SAMD13: variants seen among roughly 807,000 people sequenced by gnomAD.
The protein encoded by SAMD13 is sterile alpha motif domain-containing protein 13.
SAMD13 carries 9 observed loss-of-function variants against 12.4 expected under a neutral mutation model. That is an observed-to-expected ratio of 0.72 (90% CI 0.44 to 1.26). The LOEUF (loss-of-function observed/expected upper bound fraction) is 1.26. Among genes scored for constraint, SAMD13 ranks in the 50% most tolerant of loss-of-function variants. The pLI, the probability that SAMD13 is intolerant of heterozygous loss-of-function variation, is 0.00. For missense variants in SAMD13, 84 were observed against 119.6 expected, an observed-to-expected ratio of 0.70 and a Z score of 1.39; for synonymous variants, 46 against 45.4, an observed-to-expected ratio of 1.01 and a Z score of -0.05.
chr1:84,308,786 T>G (rs1174946847), intron 2 of SAMD13, among the ~76,000 whole-genome samples: 4 of 152,084 alleles, frequency 2.6e-5, no homozygotes, highest in Non-Finnish European at 4.4e-5. Context: ...ATCTGAAAAT[T>G]TTTTAATTAA....
At chr1:84,325,404 C>T (rs1028976077) in intron 2 of SAMD13, among the ~76,000 whole-genome samples, 1 of 152,168 alleles carries the variant, frequency 6.6e-6, no homozygotes, top group Non-Finnish European at 1.5e-5. Flanking sequence ...GAATATCATA[C>T]TCTGGGCTGC....
At chr1:84,325,878 G>T (rs1679049504) in intron 3 of SAMD13, 130 bp downstream of exon 3, 1 of 630,322 alleles carries the variant, frequency 1.6e-6, no homozygotes, top group Non-Finnish European at 2.9e-6. Context: ...GAGGCTCTGA[G>T]AAACTGAGGG....
chr1:84,300,765 G>A (rs190295662), upstream of SAMD13, among the ~76,000 whole-genome samples: 1 of 152,290 alleles, frequency 6.6e-6, no homozygotes, highest in African/African-American at 2.4e-5. Context: ...AATGACCAGG[G>A]TAACTTAAAC....
At chr1:84,299,670 T>C, upstream of SAMD13, 1 of 951,542 alleles carries the variant, frequency 1.1e-6, no homozygotes, top group Non-Finnish European at 1.4e-6. Context: ...TATATATATA[T>C]ATATATTTAT....
chr1:84,299,621 CA>C, upstream of SAMD13: 1 of 1,514,658 alleles, frequency 6.6e-7, no homozygotes, highest in Non-Finnish European at 8.9e-7. Context: ...GGATTGATGG[CA>C]AACAGTTTGT....
chr1:84,304,384 G>A (rs1270252918), intron 2 of SAMD13: 3 of 152,072 alleles, frequency 2.0e-5, no homozygotes, highest in African/African-American at 4.8e-5. Flanking sequence ...TTCTGTATTT[G>A]TGCTGTCTAA....
At chr1:84,311,291 G>A (rs1390551529) in intron 2 of SAMD13, among the ~76,000 whole-genome samples, 1 of 148,062 alleles carries the variant, frequency 6.8e-6, no homozygotes, top group Non-Finnish European at 1.5e-5. Flanking sequence ...AGCTGAGATC[G>A]TGCCACTGCA....
At chr1:84,304,636 A>T (rs1233335975) in intron 2 of SAMD13, among the ~76,000 whole-genome samples, 1 of 152,064 alleles carries the variant, frequency 6.6e-6, no homozygotes, top group Non-Finnish European at 1.5e-5. Context: ...AAATTTCCTT[A>T]CGACCTTTTG....
At chr1:84,319,263 G>T (rs1033659070) in intron 2 of SAMD13, among the ~76,000 whole-genome samples, 1 of 152,120 alleles carries the variant, frequency 6.6e-6, no homozygotes, top group African/African-American at 2.4e-5. Flanking sequence ...GATAAGAAAT[G>T]TTTATGTTTG....
intron 2 of SAMD13, among the ~76,000 whole-genome samples, chr1:84,309,521 A>G (rs1418011592): frequency 2.0e-5 from 3 of 152,158 alleles, no homozygotes; most frequent in Admixed American, 6.6e-5. Flanking sequence ...TTGACCCACA[A>G]AATTCTTAGA....
chr1:84,302,896 C>T, intron 1 of SAMD13: 2 of 245,132 alleles, frequency 8.2e-6, no homozygotes, highest in Non-Finnish European at 8.0e-6. Context: ...TAAGTGAGAG[C>T]TAGGCACCCA....
intron 1 of SAMD13, chr1:84,302,541 TACACACACACACACACACAC>T (rs58540263): frequency 9.8e-6 from 2 of 204,920 alleles, no homozygotes; most frequent in African/African-American, 2.5e-5. Flanking sequence ...TTCTTACACA[TACACACACACACACACACAC>T]ACACACACAC....
intron 2 of SAMD13, chr1:84,304,130 T>C (rs1056673514): frequency 1.4e-4 from 22 of 152,318 alleles, no homozygotes; most frequent in Admixed American, 7.9e-4. Context: ...GGAAACAGTG[T>C]GCTATATGTT....
chr1:84,333,663 C>T (rs1158998368), intron 3 of SAMD13, among the ~76,000 whole-genome samples: 2 of 152,080 alleles, frequency 1.3e-5, no homozygotes, highest in Admixed American at 6.5e-5. Flanking sequence ...ATATCATCTG[C>T]AAACAAGAAT....
At chr1:84,310,835 A>C (rs1678693285) in intron 2 of SAMD13, among the ~76,000 whole-genome samples, 1 of 152,170 alleles carries the variant, frequency 6.6e-6, no homozygotes. Context: ...TAAATCTGCA[A>C]ATTTTCTTGA....
chr1:84,299,492 A>G, upstream of SAMD13: 2 of 643,442 alleles, frequency 3.1e-6, no homozygotes, highest in South Asian at 5.8e-5. Flanking sequence ...CCCACACACC[A>G]CATACACACA....
chr1:84,314,989 CCT>C (rs948764396), intron 2 of SAMD13, among the ~76,000 whole-genome samples: 4 of 149,618 alleles, frequency 2.7e-5, no homozygotes, highest in East Asian at 2.0e-4. Flanking sequence ...TCCCTCCCTC[CCT>C]CTCTCTCTTT....
Position 84,340,783 on chromosome 1 carries a change from A to G in SAMD13, c.166-8848A>G, listed in dbSNP as rs1049292030. 3.3e-5 allele frequency among the ~76,000 whole-genome samples: 5 copies of G among 152,338 alleles called. No homozygotes were observed. The South Asian group carries it at 6.2e-4, about 19-fold the overall frequency. ...ATTGTCCTTATGTGATGGTTAATGT[A>G]TCATCTTGACTGGGCTAAGAGATGC... On this transcript the variant is annotated intron_variant, in intron 3 of 3. Coordinates refer to ENST00000394834, the MANE Select transcript of SAMD13 (RefSeq NM_001134663.2).
At chr1:84,338,431 TC>T (rs1390840176) in intron 3 of SAMD13, among the ~76,000 whole-genome samples, 1 of 109,054 alleles carries the variant, frequency 9.2e-6, no homozygotes, top group East Asian at 3.1e-4. Context: ...AACTCATCTC[TC>T]TTTTTTTTTT....
Sources: gnomAD v4.1 joint callset for allele counts (sites outside exome capture counted in the v4.1 genomes callset) on GRCh38, gnomAD v4.1.1 for gene constraint, MANE v1.5 for transcripts, NCBI Gene and HGNC (gene_info 2026-07-23, HGNC 2026-07-21) for gene names.